Variants in UBE2G1 observed in about 807,000 individuals in gnomAD.
UBE2G1 encodes the protein ubiquitin conjugating enzyme E2 G1.
Under a neutral mutation model 22.7 loss-of-function variants are expected in UBE2G1, and 5 were observed. That is an observed-to-expected ratio of 0.22 (90% CI 0.12 to 0.46). UBE2G1 has a LOEUF of 0.46. Among genes scored for constraint, UBE2G1 ranks in the 20% least tolerant of loss-of-function variants. The pLI, the probability that UBE2G1 is intolerant of heterozygous loss-of-function variation, is 0.99. For synonymous variants in UBE2G1, 74 were observed against 67.5 expected, an observed-to-expected ratio of 1.10 and a Z score of -0.47; for missense variants, 88 against 203.9, an observed-to-expected ratio of 0.43 and a Z score of 3.46.
At position 4,283,732 on chromosome 17, in the gene UBE2G1, G is replaced by T. The variant is rs1003522568; in HGVS notation, c.427-811C>A. The stretch of plus-strand genomic sequence containing the variant: ...AGTGGGGTAATGAAGGGAGGGGAGG[G>T]AAAGGGAAGAGCAGGAGAGAGAGGA... On this transcript the variant is annotated intron_variant, in intron 4 of 5. Coordinates refer to ENST00000396981, the MANE Select transcript of UBE2G1 (RefSeq NM_003342.5). Among the ~76,000 whole-genome samples, 8 of 152,224 alleles carry T rather than the reference G, an allele frequency of 5.3e-5. No individual in the cohort carries two copies. The South Asian group carries it at 1.7e-3, about 32-fold the overall frequency.
At chr17:4,328,167 A>C (rs557014973) in intron 1 of UBE2G1, among the ~76,000 whole-genome samples, 34 of 152,342 alleles carry the variant, frequency 2.2e-4, no homozygotes, top group African/African-American at 7.9e-4. Context: ...CAGAGAATGG[A>C]AACTCAAAGC....
intron 1 of UBE2G1, among the ~76,000 whole-genome samples, chr17:4,316,282 T>C (rs1969371568): frequency 6.6e-6 from 1 of 152,088 alleles, no homozygotes; most frequent in Admixed American, 6.6e-5. Flanking sequence ...TATATGTCTG[T>C]AAAGTAACTA....
At chr17:4,344,266 C>G (rs976863432) in intron 1 of UBE2G1, among the ~76,000 whole-genome samples, 1 of 152,148 alleles carries the variant, frequency 6.6e-6, no homozygotes, top group African/African-American at 2.4e-5. Flanking sequence ...CCCGGCCGGG[C>G]GCGGTGGCTC....
chr17:4,341,102 T>C (rs1051880064), intron 1 of UBE2G1, among the ~76,000 whole-genome samples: 2 of 147,940 alleles, frequency 1.4e-5, no homozygotes, highest in East Asian at 4.1e-4. Flanking sequence ...GACTGAGCCA[T>C]CTGGCTCAAA....
At chr17:4,353,419 G>A (rs571735301) in intron 1 of UBE2G1, among the ~76,000 whole-genome samples, 4 of 149,574 alleles carry the variant, frequency 2.7e-5, no homozygotes, top group Admixed American at 2.0e-4. Context: ...GTCGATCAAC[G>A]AAACCCCATA....
chr17:4,321,046 G>T (rs557479874), intron 1 of UBE2G1, among the ~76,000 whole-genome samples: 1 of 152,260 alleles, frequency 6.6e-6, no homozygotes, highest in African/African-American at 2.4e-5. Context: ...TGTTCTGGGG[G>T]ATGAAGAGGG....
intron 5 of UBE2G1, among the ~76,000 whole-genome samples, chr17:4,276,235 G>C (rs1450864370): frequency 6.6e-6 from 1 of 152,076 alleles, no homozygotes; most frequent in Non-Finnish European, 1.5e-5. Context: ...CTGTCGCCCA[G>C]GCTGGAGTGC....
At chr17:4,325,998 T>A (rs1466034211) in intron 1 of UBE2G1, among the ~76,000 whole-genome samples, 1 of 151,976 alleles carries the variant, frequency 6.6e-6, no homozygotes, top group African/African-American at 2.4e-5. Flanking sequence ...ACGTAAGAGC[T>A]AAAACTTTAA....
chr17:4,302,464 G>A, intron 2 of UBE2G1: 1 of 497,434 alleles, frequency 2.0e-6, no homozygotes. Context: ...ACTGGGAACT[G>A]CATATGGCTT....
chr17:4,352,717 T>C (rs1969858292), intron 1 of UBE2G1, among the ~76,000 whole-genome samples: 3 of 152,164 alleles, frequency 2.0e-5, no homozygotes, highest in Admixed American at 2.0e-4. Flanking sequence ...CTAGATCATT[T>C]TCCTGATAAT....
chr17:4,288,698 A>C (rs1968999557), intron 4 of UBE2G1, among the ~76,000 whole-genome samples: 1 of 152,070 alleles, frequency 6.6e-6, no homozygotes, highest in Admixed American at 6.6e-5. Flanking sequence ...CCAATTCTAA[A>C]TTTGGTGTCA....
chr17:4,346,272 CCA>C (rs994154923), intron 1 of UBE2G1, among the ~76,000 whole-genome samples: 16 of 152,198 alleles, frequency 1.1e-4, no homozygotes, highest in African/African-American at 2.6e-4. Context: ...CCTGTAAAAA[CCA>C]CACAGACTCC....
intron 1 of UBE2G1, among the ~76,000 whole-genome samples, chr17:4,357,974 AAGAG>A (rs892393217): frequency 2.0e-5 from 3 of 151,950 alleles, no homozygotes; most frequent in Non-Finnish European, 4.4e-5. Flanking sequence ...TGTAGACACA[AAGAG>A]AGAGAGACCC....
chr17:4,313,085 G>A (rs1488010801), intron 1 of UBE2G1, among the ~76,000 whole-genome samples: 1 of 152,182 alleles, frequency 6.6e-6, no homozygotes, highest in Non-Finnish European at 1.5e-5. Flanking sequence ...GTGTTTAAAT[G>A]TTGATACGGA....
At chr17:4,296,101 G>A (rs907906737) in intron 3 of UBE2G1, among the ~76,000 whole-genome samples, 2 of 151,682 alleles carry the variant, frequency 1.3e-5, no homozygotes, top group African/African-American at 4.8e-5. Context: ...CTTTGTAATA[G>A]CCAGTGAATC....
chr17:4,314,464 A>T (rs1182021359), intron 1 of UBE2G1, among the ~76,000 whole-genome samples: 1 of 152,254 alleles, frequency 6.6e-6, no homozygotes, highest in Non-Finnish European at 1.5e-5. Flanking sequence ...TCACCACTAC[A>T]GGATGCTGGG....
chr17:4,301,277 C>T (rs112003331), intron 2 of UBE2G1: 13 of 396,198 alleles, frequency 3.3e-5, no homozygotes, highest in African/African-American at 1.0e-4. Context: ...GGCTGTGCTC[C>T]GTGGGCACTG....
At chr17:4,336,787 A>T (rs879928548) in intron 1 of UBE2G1, among the ~76,000 whole-genome samples, 2 of 152,206 alleles carry the variant, frequency 1.3e-5, no homozygotes, top group Non-Finnish European at 2.9e-5. Flanking sequence ...AAAATTTCAA[A>T]GAAATCTAAG....
chr17:4,366,422 C>A lies in UBE2G1; in HGVS notation c.-106G>T. The stretch of plus-strand genomic sequence containing the variant: ...TGCCGAGGAACCCGGGCCCCGCGAC[C>A]GGAGCGCCGGAGCCGAGGAAGGCCG... On this transcript the variant is annotated 5_prime_UTR_variant, in exon 1 of 6. Transcript: ENST00000396981. 1 of 1,166,750 alleles carries A rather than the reference C, an allele frequency of 8.6e-7. No homozygotes were observed. Among genetic ancestry groups the A allele is most frequent in the Non-Finnish European group, 1.1e-6 (1 of 899,078 alleles). 72.3% of individuals were successfully genotyped at this position (1,166,750 alleles called of 1,614,324 possible).
Sources: allele counts gnomAD v4.1 joint callset (sites outside exome capture counted in the v4.1 genomes callset), GRCh38; gene constraint gnomAD v4.1.1; transcripts MANE v1.5; gene names NCBI Gene and HGNC (gene_info 2026-07-23, HGNC 2026-07-21).